QSER1: variants seen among roughly 807,000 people sequenced by gnomAD.
QSER1 encodes the protein glutamine and serine-rich protein 1.
QSER1 carries 49 observed loss-of-function variants against 158.5 expected under a neutral mutation model. That is an observed-to-expected ratio of 0.31 (90% CI 0.25 to 0.39). The LOEUF is 0.39. Ranked by LOEUF, QSER1 falls within the 10% of genes least tolerant of loss-of-function variation. The pLI is 1.00. For synonymous variants in QSER1, 650 were observed against 715.5 expected, an observed-to-expected ratio of 0.91 and a Z score of 1.46; for missense variants, 1,754 against 2,010.3, an observed-to-expected ratio of 0.87 and a Z score of 2.44.
rs115993935 is a variant in QSER1, at chr11:32,954,261, G to T, written c.4500+82G>T. The T allele has an allele frequency of 3.4e-3, 5,012 of 1,465,914 alleles. 14 individuals carry two copies. Among genetic ancestry groups the T allele is most frequent in the Middle Eastern group, 5.5e-3 (24 of 4,352 alleles). 90.8% of individuals were successfully genotyped at this position (1,465,914 alleles called of 1,614,324 possible). A position where few individuals can be genotyped will look rare whatever the true frequency, so the allele number is the denominator to read the frequency against. ...GCCTTCATTATGACTTCAATAGCAT[G>T]CATCTACTTTGAATTATGGGAAGTT... On this transcript the variant is annotated intron_variant, in intron 5 of 12. Transcript: ENST00000650167.
intron 8 of QSER1, among the ~76,000 whole-genome samples, chr11:32,963,705 C>T (rs1852671295): frequency 6.6e-6 from 1 of 151,724 alleles, no homozygotes; most frequent in Non-Finnish European, 1.5e-5. Context: ...CACTCTGTCA[C>T]CCAGGCTGGA....
At chr11:32,972,628 G>A (rs559961119) in intron 10 of QSER1, among the ~76,000 whole-genome samples, 39 of 152,044 alleles carry the variant, frequency 2.6e-4, no homozygotes, top group Middle Eastern at 3.4e-3. Flanking sequence ...TAGAGACAAG[G>A]TTTTGCCATG....
intron 9 of QSER1, among the ~76,000 whole-genome samples, chr11:32,967,245 C>T (rs1445131390): frequency 2.0e-5 from 3 of 152,150 alleles, no homozygotes; most frequent in Non-Finnish European, 4.4e-5. Flanking sequence ...CCAAATATCA[C>T]ATGTTCTCAC....
chr11:32,976,301 G>T (rs1852976175), intron 12 of QSER1, 33 bp from the exon 13 acceptor site: 1 of 1,551,320 alleles, frequency 6.4e-7, no homozygotes, highest in Admixed American at 2.1e-5. Context: ...GATGTGATAA[G>T]TATAAGCTAA....
At position 32,892,933 on chromosome 11, in the gene QSER1, G is replaced by GC. The variant is rs1564921890; in HGVS notation, c.-190dup. ...AGCTGGGGCCTCGCCGCCCGCCGCG[G>GC]CCCGGGTCTTTGCGGCCCAGACTCG... On this transcript the variant is annotated 5_prime_UTR_variant, in exon 1 of 13. Transcript: ENST00000650167. 6.9e-6 allele frequency among the ~76,000 whole-genome samples: 1 copy of GC among 145,072 alleles called. No homozygotes were observed. The highest frequency in any genetic ancestry group is 2.5e-5 in the African/African-American group (1 of 39,594).
chr11:32,925,494 T>TTTTATTTATTTA lies in QSER1; in HGVS notation c.210-1627_210-1616dup, dbSNP rs374397828. On this transcript the variant is annotated intron_variant, in intron 1 of 12. Coordinates refer to ENST00000650167, the MANE Select transcript of QSER1 (RefSeq NM_001076786.3). Reference sequence around the variant, plus strand: ...CTACTGGAATGTTGATACATCGCTTTTTTATTTATTTATTTATTTATTTAT... The same window carrying TTTTATTTATTTA: ...CTACTGGAATGTTGATACATCGCTTTTTTATTTATTTATTTATTTATTTATTTATTTATTTAT... 8.6e-3 allele frequency among the ~76,000 whole-genome samples: 1,240 copies of TTTTATTTATTTA among 143,638 alleles called. 7 individuals carry two copies. The highest frequency in any genetic ancestry group is 0.015 in the African/African-American group (604 of 39,038). The allele number at this position is 143,638 out of a possible 152,430, so 94.2% of individuals were successfully genotyped here. A position where few individuals can be genotyped will look rare whatever the true frequency, so the allele number is the denominator to read the frequency against.
rs1014703827 is a variant in QSER1, at chr11:32,893,798, C to T, written c.209+464C>T. Among the ~76,000 whole-genome samples, 3 of 152,034 alleles carry T rather than the reference C, an allele frequency of 2.0e-5. No homozygotes were observed. Among genetic ancestry groups the T allele is most frequent in the African/African-American group, 7.2e-5 (3 of 41,384 alleles). ...GTTGCGGAGGCGGGAGAGGAAGAGTCGCGGAACCGCGTCCCGGAGACACTG... is the reference window on the plus strand; with the variant it reads ...GTTGCGGAGGCGGGAGAGGAAGAGTTGCGGAACCGCGTCCCGGAGACACTG... On this transcript the variant is annotated intron_variant, in intron 1 of 12. Transcript: ENST00000650167. The surrounding 1 kb of genome is among the most constrained non-coding windows in gnomAD (Gnocchi z 4.7).
Position 32,935,393 on chromosome 11 carries a change from T to A in QSER1, c.4135T>A (p.Leu1379Ile), listed in dbSNP as rs757161387. 5 of 1,561,294 alleles carry A rather than the reference T, an allele frequency of 3.2e-6. No individual in the cohort carries two copies. The South Asian group carries it at 6.1e-5, about 19-fold the overall frequency. The change falls in exon 4 of 13, where the codon TTA becomes ATA. Residue 1379 changes from leucine (L) to isoleucine (I), a missense_variant. Transcript: ENST00000650167. ...TGCTTATAAAAGCGTCTCTACTCCCTTAACTACTTTGGATGCTACTTCTGA... is the reference window on the plus strand; with the variant it reads ...TGCTTATAAAAGCGTCTCTACTCCCATAACTACTTTGGATGCTACTTCTGA... ...QDAYKSVSTP[L>I]TTLDATSDKK... is the part of the protein sequence containing the mutation.
chr11:32,916,662 A>G (rs542417712), intron 1 of QSER1, among the ~76,000 whole-genome samples: 2 of 152,320 alleles, frequency 1.3e-5, no homozygotes, highest in South Asian at 2.1e-4. Flanking sequence ...TTGTAACACA[A>G]TGGTAAGTAT....
At chr11:32,921,198 A>G (rs1383685687) in intron 1 of QSER1, among the ~76,000 whole-genome samples, 4 of 152,238 alleles carry the variant, frequency 2.6e-5, no homozygotes, top group Non-Finnish European at 2.9e-5. Context: ...TCCATGTTGT[A>G]ATAAGGTGAA....
At chr11:32,939,538 G>A (rs892054928) in intron 4 of QSER1, among the ~76,000 whole-genome samples, 1 of 152,056 alleles carries the variant, frequency 6.6e-6, no homozygotes, top group Non-Finnish European at 1.5e-5. Flanking sequence ...TTTGAGTACT[G>A]TATTGTAAAA....
At chr11:32,944,201 A>G (rs1425950201) in intron 4 of QSER1, among the ~76,000 whole-genome samples, 1 of 151,148 alleles carries the variant, frequency 6.6e-6, no homozygotes, top group Non-Finnish European at 1.5e-5. Context: ...TGGATTCATT[A>G]ATTTTTTGAA....
chr11:32,932,222 C>G lies in QSER1; in HGVS notation c.964C>G (p.Gln322Glu). The change falls in exon 4 of 13, where the codon CAG (glutamine) becomes GAG (glutamate). Residue 322 changes from glutamine to glutamate, a missense_variant. Around this residue, in one of 2 missense-constraint regions of QSER1, gnomAD observed 1,707 missense variants for 1,919.6 expected, o/e 0.89. Coordinates refer to ENST00000650167, the MANE Select transcript of QSER1 (RefSeq NM_001076786.3). Reference protein sequence around the residue: ...LRECSVIKHHQRPSGTQSIQA... With the variant: ...LRECSVIKHHERPSGTQSIQA... ...AGAATGTAGTGTTATTAAACACCAT[C>G]AGCGGCCTTCAGGTACCCAGTCAAT... 6.2e-7 allele frequency: 1 copy of G among 1,614,172 alleles called. No individual in the cohort carries two copies. Among genetic ancestry groups the G allele is most frequent in the Non-Finnish European group, 8.5e-7 (1 of 1,180,016 alleles).
chr11:32,972,893 G>A (rs914511530), intron 10 of QSER1, among the ~76,000 whole-genome samples: 1 of 152,170 alleles, frequency 6.6e-6, no homozygotes, highest in Non-Finnish European at 1.5e-5. Flanking sequence ...CTACAGTGCC[G>A]CTTCTCCTCT....
intron 1 of QSER1, among the ~76,000 whole-genome samples, chr11:32,906,572 G>T (rs1224088193): frequency 6.6e-6 from 1 of 151,784 alleles, no homozygotes; most frequent in African/African-American, 2.4e-5. Context: ...CTAAATTCGG[G>T]TATATTTTTG....
At chr11:32,975,154 T>C (rs1287250718) in intron 11 of QSER1, 94 bp from the exon 12 acceptor site, 16 of 785,108 alleles carry the variant, frequency 2.0e-5, no homozygotes, top group Middle Eastern at 4.0e-4. Context: ...ATTTTCAACA[T>C]TGCCATTGAG....
At chr11:32,909,415 G>C (rs1367831134) in intron 1 of QSER1, among the ~76,000 whole-genome samples, 2 of 151,496 alleles carry the variant, frequency 1.3e-5, no homozygotes, top group Non-Finnish European at 2.9e-5. Context: ...TCAGCAGTTG[G>C]TAGCCAAGTT....
At chr11:32,958,115 A>T (rs768981529) in intron 8 of QSER1, 29 bp downstream of exon 8, 8 of 1,536,108 alleles carry the variant, frequency 5.2e-6, no homozygotes, top group Non-Finnish European at 6.3e-6. Context: ...GGCTACCCTG[A>T]TAACTTTAGA....
chr11:32,950,897 T>G (rs1852410258), intron 4 of QSER1, among the ~76,000 whole-genome samples: 4 of 152,364 alleles, frequency 2.6e-5, no homozygotes, highest in Middle Eastern at 3.4e-3. Context: ...CCACATTTTG[T>G]ATATTCAGTT....
Sources: allele counts gnomAD v4.1 joint callset (sites outside exome capture counted in the v4.1 genomes callset), GRCh38; gene constraint gnomAD v4.1.1; regional missense constraint gnomAD v4.1.1; non-coding constraint Gnocchi (gnomAD v3.1); transcripts MANE v1.5; gene names NCBI Gene and HGNC (gene_info 2026-07-23, HGNC 2026-07-21).